The following PDE4D variants were observed in gnomAD, a reference collection of about 807,000 sequenced individuals.
The protein encoded by PDE4D is phosphodiesterase 4D.
Under a neutral mutation model 87.4 loss-of-function variants are expected in PDE4D, and 24 were observed. The observed-to-expected ratio is 0.27, with a 90% CI of 0.20 to 0.39. The LOEUF is 0.39. Among genes scored for constraint, PDE4D ranks in the 10% least tolerant of loss-of-function variants. The pLI is 1.00. For missense variants in PDE4D, 714 were observed against 1,041.0 expected (o/e 0.69, Z 4.32); for synonymous variants, 384 against 383.2 (o/e 1.00, Z -0.02).
In PDE4D at chr5:59,850,677, C is replaced by T. The variant is rs750049307; in HGVS notation, c.455+42491G>A. ...CGCCAGAGATGGTACAGATTATGTC[C>T]TCAAGTGCCTTTACCTGCAGGGTTA... is the stretch of plus-strand genomic sequence containing the variant. On this transcript the variant is annotated intron_variant, in intron 1 of 14. Coordinates refer to ENST00000340635, the MANE Select transcript of PDE4D (RefSeq NM_001104631.2). 2.6e-5 allele frequency among the ~76,000 whole-genome samples: 4 copies of T among 152,024 alleles called. No individual in the cohort carries two copies. The South Asian group carries it at 8.3e-4, about 32-fold the overall frequency.
intron 1 of PDE4D, among the ~76,000 whole-genome samples, chr5:59,583,302 C>T (rs982497857): frequency 9.9e-5 from 15 of 152,202 alleles, no homozygotes; most frequent in Non-Finnish European, 1.9e-4. Context: ...GTCCTCTTAA[C>T]TGCTGCTACA....
In PDE4D at chr5:59,208,713, T is replaced by C. The variant is rs1749400871; in HGVS notation, c.647+7064A>G. Among the ~76,000 whole-genome samples the C allele has an allele frequency of 2.0e-5, 3 of 152,198 alleles. No homozygotes were observed. The South Asian group carries it at 6.2e-4, about 31-fold the overall frequency. The stretch of plus-strand genomic sequence containing the variant: ...CAGTTCAAGGATTGAAGAAACTTGT[T>C]TAGCTAATTTATAAGACTTATTTTA... On this transcript the variant is annotated intron_variant, in intron 2 of 14. Coordinates refer to ENST00000340635, the MANE Select transcript of PDE4D (RefSeq NM_001104631.2).
chr5:60,282,831 C>T (rs1037460801), intron 1 of PDE4D, among the ~76,000 whole-genome samples: 1 of 152,110 alleles, frequency 6.6e-6, no homozygotes, highest in Non-Finnish European at 1.5e-5. Flanking sequence ...TGGGGACTTC[C>T]CAGGCATCTT....
intron 1 of PDE4D, among the ~76,000 whole-genome samples, chr5:60,439,927 AC>A (rs1202068175): frequency 1.4e-4 from 18 of 125,974 alleles, no homozygotes; most frequent in African/African-American, 5.5e-4. Context: ...AAAAAAAAAA[AC>A]AAAAAAAAAA....
intron 1 of PDE4D, among the ~76,000 whole-genome samples, chr5:60,371,767 C>G (rs926509791): frequency 6.6e-6 from 1 of 152,136 alleles, no homozygotes; most frequent in Non-Finnish European, 1.5e-5. Context: ...ATGGCATGCA[C>G]TCTTTTGTAT....
At chr5:59,184,723 T>C (rs1581245098) in intron 4 of PDE4D, among the ~76,000 whole-genome samples, 2 of 152,184 alleles carry the variant, frequency 1.3e-5, no homozygotes, top group South Asian at 4.1e-4. Context: ...ACCACAATTC[T>C]ATTAATTGCT....
At chr5:60,501,011 T>C (rs1241433892) in intron 1 of PDE4D, among the ~76,000 whole-genome samples, 1 of 152,068 alleles carries the variant, frequency 6.6e-6, no homozygotes, top group Non-Finnish European at 1.5e-5. Flanking sequence ...AATTTTATTA[T>C]TATTAAACTT....
intron 1 of PDE4D, among the ~76,000 whole-genome samples, chr5:60,443,170 G>A (rs928851838): frequency 1.2e-4 from 19 of 152,100 alleles, no homozygotes; most frequent in African/African-American, 2.4e-5. Context: ...AATGAAAACT[G>A]AGAAATTGAC....
chr5:59,771,149 A>G (rs1229261795), intron 1 of PDE4D, among the ~76,000 whole-genome samples: 1 of 150,788 alleles, frequency 6.6e-6, no homozygotes, highest in East Asian at 1.9e-4. Flanking sequence ...ATAAATAAAT[A>G]AATAAATAAA....
At chr5:59,280,885 T>A (rs1242020764) in intron 1 of PDE4D, among the ~76,000 whole-genome samples, 1 of 141,790 alleles carries the variant, frequency 7.1e-6, no homozygotes, top group African/African-American at 2.5e-5. Flanking sequence ...TCTATTTTTC[T>A]AGAGAAGGAT....
chr5:59,620,792 C>A (rs1830258114), intron 1 of PDE4D, among the ~76,000 whole-genome samples: 1 of 152,102 alleles, frequency 6.6e-6, no homozygotes, highest in African/African-American at 2.4e-5. Context: ...CACTCAAGGT[C>A]ATGAATTGTA....
At chr5:60,052,727 T>G (rs1171374662) in intron 2 of PDE4D, among the ~76,000 whole-genome samples, 1 of 152,158 alleles carries the variant, frequency 6.6e-6, no homozygotes, top group African/African-American at 2.4e-5. Flanking sequence ...GATATTCAGA[T>G]AGAAAGAGAG....
chr5:60,089,283 A>G (rs1336726846), intron 2 of PDE4D, among the ~76,000 whole-genome samples: 1 of 152,068 alleles, frequency 6.6e-6, no homozygotes, highest in Non-Finnish European at 1.5e-5. Flanking sequence ...GATAGACCAT[A>G]TGTTAGGTAA....
intron 1 of PDE4D, among the ~76,000 whole-genome samples, chr5:59,438,712 A>C (rs1298422382): frequency 6.6e-6 from 1 of 152,222 alleles, no homozygotes; most frequent in Non-Finnish European, 1.5e-5. Context: ...TCTCAGAGGC[A>C]AAGACTGAGG....
rs533593232 is a variant in PDE4D at position 59,747,999 on chromosome 5, C to T, written c.455+145169G>A. ...TCATTTTTCTTCCTATCCCCTCCAA[C>T]TGACTTTACAACAAAACTCCAAGAG... On this transcript the variant is annotated intron_variant, in intron 1 of 14. Transcript: ENST00000340635. Among the ~76,000 whole-genome samples, 4 of 152,298 alleles carry T rather than the reference C, an allele frequency of 2.6e-5. No homozygotes were observed. In the South Asian group the frequency reaches 6.2e-4, roughly 24 times the overall value.
At chr5:59,047,592 G>A (rs1000774559) in intron 5 of PDE4D, among the ~76,000 whole-genome samples, 1 of 152,192 alleles carries the variant, frequency 6.6e-6, no homozygotes, top group African/African-American at 2.4e-5. Flanking sequence ...CAGATAAGGA[G>A]AAAATCCTAA....
chr5:60,409,032 C>G (rs1473554416), intron 1 of PDE4D, among the ~76,000 whole-genome samples: 2 of 152,120 alleles, frequency 1.3e-5, no homozygotes, highest in African/African-American at 4.8e-5. Context: ...GCGGACACAG[C>G]CCCTGTCCTC....
intron 1 of PDE4D, among the ~76,000 whole-genome samples, chr5:59,602,550 G>A (rs1302031629): frequency 6.6e-6 from 1 of 151,942 alleles, no homozygotes; most frequent in Non-Finnish European, 1.5e-5. Context: ...TGAATGCAAA[G>A]ATAGTTCGTG....
intron 5 of PDE4D, among the ~76,000 whole-genome samples, chr5:59,100,845 T>G (rs185968207): frequency 2.0e-5 from 3 of 152,152 alleles, no homozygotes; most frequent in Non-Finnish European, 4.4e-5. Flanking sequence ...CAATAGGAAA[T>G]CTAATATCTC....
Sources: allele counts gnomAD v4.1 joint callset (sites outside exome capture counted in the v4.1 genomes callset), GRCh38; gene constraint gnomAD v4.1.1; transcripts MANE v1.5; gene names NCBI Gene and HGNC (gene_info 2026-07-23, HGNC 2026-07-21).